RFX3: variants seen among roughly 807,000 people sequenced by gnomAD.
RFX3 encodes the protein regulatory factor X3.
A neutral mutation model predicts 98.6 loss-of-function variants in RFX3; 14 were observed. That is an observed-to-expected ratio of 0.14 (90% CI 0.09 to 0.22). The LOEUF is 0.22. Ranked by LOEUF, RFX3 falls within the 10% of genes least tolerant of loss-of-function variation. The pLI is 1.00. For missense variants in RFX3, 639 were observed against 926.9 expected, an observed-to-expected ratio of 0.69 and a Z score of 4.03; for synonymous variants, 383 against 328.4, an observed-to-expected ratio of 1.17 and a Z score of -1.80.
At chr9:3,240,419 T>C (rs984881834) in intron 15 of RFX3, among the ~76,000 whole-genome samples, 6 of 152,174 alleles carry the variant, frequency 3.9e-5, no homozygotes, top group Admixed American at 6.5e-5. Flanking sequence ...TAGGAAAGCA[T>C]AGCATTAATT....
chr9:3,327,127 T>C (rs1420033255), intron 4 of RFX3, among the ~76,000 whole-genome samples: 1 of 152,136 alleles, frequency 6.6e-6, no homozygotes, highest in Non-Finnish European at 1.5e-5. Flanking sequence ...TACAATCTTT[T>C]CTCTGATTCT....
rs190187394 is a variant in RFX3 at position 3,353,157 on chromosome 9, T to C, written c.118-6393A>G. Among the ~76,000 whole-genome samples the C allele has an allele frequency of 2.4e-4, 30 of 122,502 alleles. 1 individual carries two copies. In the East Asian group the frequency reaches 7.6e-3, roughly 31 times the overall value. 80.4% of individuals were successfully genotyped at this position (122,502 alleles called of 152,430 possible). Reference sequence around the variant, plus strand: ...GTGGGAATTGAACAATGAGAACACATGGACACAGGAAGGGGAACATCACAC... The same window carrying C: ...GTGGGAATTGAACAATGAGAACACACGGACACAGGAAGGGGAACATCACAC... On this transcript the variant is annotated intron_variant, in intron 2 of 16. Transcript: ENST00000617270.
chr9:3,369,396 T>C (rs1198522233), intron 2 of RFX3, among the ~76,000 whole-genome samples: 1 of 152,204 alleles, frequency 6.6e-6, no homozygotes, highest in South Asian at 2.1e-4. Flanking sequence ...AACCTAATCA[T>C]TTCCTAAAAT....
intron 7 of RFX3, among the ~76,000 whole-genome samples, chr9:3,281,661 A>C (rs1465349621): frequency 6.6e-6 from 1 of 151,816 alleles, no homozygotes; most frequent in Non-Finnish European, 1.5e-5. Context: ...ATTAAGAAAT[A>C]AAAGAAACTC....
rs137899630 is a variant in RFX3 at position 3,225,104 on chromosome 9, C to T, written c.2188G>A (p.Val730Ile). 1.7e-3 allele frequency: 2,747 copies of T among 1,613,946 alleles called. 4 individuals carry two copies. The highest frequency in any genetic ancestry group is 2.0e-3 in the Non-Finnish European group (2,342 of 1,179,930). ...TGTCTGATAGTCTGAGTACTTGTGA[C>T]AATGTGCTCGCTGTGAATTGGATTC... Reference protein sequence around the residue: ...LLNPIHSEHIVTSTQTIRQCS... With the variant: ...LLNPIHSEHIITSTQTIRQCS... The change falls in exon 17 of 17, where the codon GTC becomes ATC. Residue 730 changes from valine to isoleucine, a missense_variant. Physicochemically the swap from Val to Ile is conservative, Grantham distance 29. Coordinates refer to ENST00000617270, the MANE Select transcript of RFX3 (RefSeq NM_001282116.2).
In RFX3 at chr9:3,516,940, G is replaced by A. The variant is rs144805197; in HGVS notation, c.-9+8807C>T. 1.7e-3 allele frequency among the ~76,000 whole-genome samples: 258 copies of A among 152,324 alleles called. 2 individuals are homozygous for A. The highest frequency in any genetic ancestry group is 0.012 in the Admixed American group (186 of 15,304). On this transcript the variant is annotated intron_variant, in intron 1 of 16. Coordinates refer to ENST00000617270, the MANE Select transcript of RFX3 (RefSeq NM_001282116.2). Reference sequence around the variant, plus strand: ...GTGGGTGAGAAAATGAGGGCACTTGGCCACCACTCTCTACAGAAGCCATTG... The same window carrying A: ...GTGGGTGAGAAAATGAGGGCACTTGACCACCACTCTCTACAGAAGCCATTG...
intron 2 of RFX3, among the ~76,000 whole-genome samples, chr9:3,378,555 CTTTT>C (rs869126415): frequency 8.0e-6 from 1 of 125,084 alleles, no homozygotes; most frequent in Non-Finnish European, 1.7e-5. Flanking sequence ...TTTTTTCTTT[CTTTT>C]TTTTTTTTTT....
At chr9:3,391,207 T>C (rs987656431) in intron 2 of RFX3, among the ~76,000 whole-genome samples, 2 of 152,094 alleles carry the variant, frequency 1.3e-5, no homozygotes, top group Non-Finnish European at 2.9e-5. Context: ...TCAAACATTA[T>C]AGGCATGTCA....
intron 1 of RFX3, among the ~76,000 whole-genome samples, chr9:3,405,261 C>T (rs1223475005): frequency 1.7e-4 from 26 of 152,050 alleles, no homozygotes; most frequent in Non-Finnish European, 1.5e-5. Context: ...TGTTTTTCTG[C>T]TCTCTCAACA....
At chr9:3,467,148 A>ATATATTATGT (rs201085052) in intron 1 of RFX3, among the ~76,000 whole-genome samples, 1 of 101,876 alleles carries the variant, frequency 9.8e-6, no homozygotes, top group Non-Finnish European at 1.7e-5. Context: ...GTATATACAT[A>ATATATTATGT]ATATATATGT....
intron 15 of RFX3, among the ~76,000 whole-genome samples, chr9:3,243,728 A>G (rs1292504939): frequency 2.0e-5 from 3 of 152,202 alleles, no homozygotes; most frequent in African/African-American, 7.2e-5. Context: ...TTATGAAACT[A>G]TTTAACTGAC....
intron 15 of RFX3, among the ~76,000 whole-genome samples, chr9:3,234,593 C>T (rs1263832616): frequency 4.6e-5 from 7 of 152,110 alleles, no homozygotes; most frequent in East Asian, 3.9e-4. Context: ...GAACTGTGAT[C>T]GTGCCACTGT....
chr9:3,467,040 A>G (rs888391844), intron 1 of RFX3, among the ~76,000 whole-genome samples: 6 of 125,024 alleles, frequency 4.8e-5, no homozygotes, highest in South Asian at 2.4e-4. Flanking sequence ...ATATATATAT[A>G]TATATATGTA....
chr9:3,316,018 C>A (rs1270195227), intron 4 of RFX3, among the ~76,000 whole-genome samples: 25 of 152,152 alleles, frequency 1.6e-4, no homozygotes, highest in Admixed American at 1.6e-3. Flanking sequence ...CTCCCTAATT[C>A]ATTTTATGAG....
chr9:3,409,222 T>A (rs1292996951), intron 1 of RFX3, among the ~76,000 whole-genome samples: 1 of 152,244 alleles, frequency 6.6e-6, no homozygotes, highest in Non-Finnish European at 1.5e-5. Flanking sequence ...AAAAAGTGTA[T>A]AAATGATGGT....
intron 1 of RFX3, among the ~76,000 whole-genome samples, chr9:3,508,850 G>C (rs1245767609): frequency 6.6e-6 from 1 of 151,840 alleles, no homozygotes; most frequent in Admixed American, 6.6e-5. Context: ...TAAATTGACT[G>C]TTTCAAATAA....
intron 4 of RFX3, among the ~76,000 whole-genome samples, chr9:3,315,136 T>C (rs998170363): frequency 1.3e-5 from 2 of 151,968 alleles, no homozygotes; most frequent in East Asian, 3.9e-4. Flanking sequence ...AAAGCACTCC[T>C]CAGCAAATGT....
chr9:3,354,493 C>G (rs985836445), intron 2 of RFX3, among the ~76,000 whole-genome samples: 3 of 151,694 alleles, frequency 2.0e-5, no homozygotes, highest in African/African-American at 7.3e-5. Flanking sequence ...AAGATAGATA[C>G]CAGGCAGCAA....
chr9:3,269,367 C>T (rs1376308105), intron 11 of RFX3, among the ~76,000 whole-genome samples: 2 of 151,958 alleles, frequency 1.3e-5, no homozygotes, highest in Non-Finnish European at 2.9e-5. Context: ...CTACTAAATT[C>T]CTATTTTCAT....
Sources: allele counts gnomAD v4.1 joint callset (sites outside exome capture counted in the v4.1 genomes callset), GRCh38; gene constraint gnomAD v4.1.1; transcripts MANE v1.5; gene names NCBI Gene and HGNC (gene_info 2026-07-23, HGNC 2026-07-21).